The following DGKD variants were observed in gnomAD, a reference collection of about 807,000 sequenced individuals.
DGKD encodes the protein DAG kinase delta.
DGKD carries 68 observed loss-of-function variants against 154.4 expected under a neutral mutation model. The observed-to-expected ratio is 0.44, with a 90% CI of 0.36 to 0.54. The LOEUF (loss-of-function observed/expected upper bound fraction) is 0.54. Among genes scored for constraint, DGKD ranks in the 20% least tolerant of loss-of-function variants. The pLI, the probability that DGKD is intolerant of heterozygous loss-of-function variation, is 0.00. For synonymous variants in DGKD, 693 were observed against 638.0 expected (o/e 1.09, Z -1.30); for missense variants, 1,343 against 1,593.6 (o/e 0.84, Z 2.68).
At position 233,457,966 on chromosome 2, in the gene DGKD, C is replaced by T. The variant is rs2063512535; in HGVS notation, c.2581-318C>T. 2 of 385,396 alleles carry T rather than the reference C, an allele frequency of 5.2e-6. No homozygotes were observed. Among genetic ancestry groups the T allele is most frequent in the Non-Finnish European group, 9.7e-6 (2 of 205,808 alleles). The allele number at this position is 385,396 out of a possible 1,614,324, so 23.9% of individuals were successfully genotyped here. ...CCTGCACACGTGGTGTGTGCTGGCC[C>T]CAGTCCTGGCACTCTGCAGCGTTAA... On this transcript the variant is annotated intron_variant, in intron 21 of 29. Coordinates refer to ENST00000264057, the MANE Select transcript of DGKD (RefSeq NM_152879.3). This position sits in a 1 kb window ranked among gnomAD's most constrained non-coding sequence, Gnocchi z 5.5.
At position 233,394,690 on chromosome 2, in the gene DGKD, C is replaced by CTTTTTTTTTTTTT. The variant is rs1703879704; in HGVS notation, c.348+4207_348+4208insTTTTTTTTTTTTT. Among the ~76,000 whole-genome samples, 3 of 83,258 alleles carry CTTTTTTTTTTTTT rather than the reference C, an allele frequency of 3.6e-5. 1 individual carries two copies. The highest frequency in any genetic ancestry group is 8.8e-5 in the African/African-American group (2 of 22,698). The allele number at this position is 83,258 out of a possible 152,430, so 54.6% of individuals were successfully genotyped here. ...TTCCTTATTATTTTGAATTTAATTC[C>CTTTTTTTTTTTTT]CTTTTTTTTTTTTTTTTTTTTTTTT... On this transcript the variant is annotated intron_variant, in intron 3 of 29. Coordinates refer to ENST00000264057, the MANE Select transcript of DGKD (RefSeq NM_152879.3).
chr2:233,466,715 TCAAAGCCCAG>T (rs2124966045), intron 27 of DGKD, among the ~76,000 whole-genome samples: 1 of 152,326 alleles, frequency 6.6e-6, no homozygotes, highest in East Asian at 1.9e-4. Context: ...ATACTAAGAA[TCAAAGCCCAG>T]CAATCCAACA....
At chr2:233,437,349 C>T (rs566580453) in intron 7 of DGKD, 28 bp from the exon 8 acceptor site, 3 of 1,604,636 alleles carry the variant, frequency 1.9e-6, no homozygotes, top group Non-Finnish European at 2.6e-6. Flanking sequence ...GCCAGTGACC[C>T]TTGGTGACGC....
chr2:233,393,604 CT>C (rs1703790284), intron 3 of DGKD, among the ~76,000 whole-genome samples: 3 of 151,380 alleles, frequency 2.0e-5, no homozygotes, highest in Admixed American at 6.6e-5. Context: ...TTCCAAAGTG[CT>C]GGGATTACAG....
chr2:233,395,605 C>T (rs1703964193), intron 3 of DGKD, among the ~76,000 whole-genome samples: 1 of 145,124 alleles, frequency 6.9e-6, no homozygotes, highest in Non-Finnish European at 1.5e-5. Flanking sequence ...CCCCTCCTCT[C>T]CTTTCCCCTC....
Position 233,354,584 on chromosome 2 carries a change from G to C in DGKD, c.66G>C (p.Glu22Asp). Reference sequence around the variant, plus strand: ...AACCGCCTCCGCCGCCGCCGCCCGAGGAGTCGTCCGACAGCGAGCCCGAGG... The same window carrying C: ...AACCGCCTCCGCCGCCGCCGCCCGACGAGTCGTCCGACAGCGAGCCCGAGG... The part of the protein sequence containing the change: ...PPQPPPPPPP[E>D]ESSDSEPEAE... Residue 22 changes from glutamate (E) to aspartate (D), a missense_variant, in exon 1 of 30, where the codon GAG becomes GAC. Around this residue, in one of 6 missense-constraint regions of DGKD, gnomAD observed 57 missense variants for 27.8 expected, o/e 2.05. Coordinates refer to ENST00000264057, the MANE Select transcript of DGKD (RefSeq NM_152879.3). This position sits in a 1 kb window ranked among gnomAD's most constrained non-coding sequence, Gnocchi z 4.8. The C allele has an allele frequency of 9.1e-7, 1 of 1,102,936 alleles. No individual in the cohort carries two copies. 68.3% of individuals were successfully genotyped at this position (1,102,936 alleles called of 1,614,324 possible). A position where few individuals can be genotyped will look rare whatever the true frequency, so the allele number is the denominator to read the frequency against.
At chr2:233,463,515 G>GTCCTCACTGCACGCATC (rs1553542707) in intron 26 of DGKD, among the ~76,000 whole-genome samples, 2 of 19,756 alleles carry the variant, frequency 1.0e-4, no homozygotes, top group Non-Finnish European at 1.9e-4. Context: ...CTGCACGCAT[G>GTCCTCACTGCACGCATC]TCCTCACTCC....
intron 28 of DGKD, 81 bp from the exon 29 acceptor site, chr2:233,468,334 TGGGCTCTC>T (rs2063894554): frequency 2.6e-6 from 4 of 1,529,722 alleles, no homozygotes; most frequent in Admixed American, 1.8e-5. Flanking sequence ...GTCCTGGCAC[TGGGCTCTC>T]GGGTGCTGGG....
chr2:233,446,828 G>T (rs372957264), intron 12 of DGKD, 32 bp downstream of exon 12: 1 of 1,610,430 alleles, frequency 6.2e-7, no homozygotes, highest in South Asian at 1.1e-5. Context: ...CACCCTGCTC[G>T]CATGCTGATG....
chr2:233,365,960 T>C (rs1435428436), intron 1 of DGKD, among the ~76,000 whole-genome samples: 1 of 152,134 alleles, frequency 6.6e-6, no homozygotes, highest in Non-Finnish European at 1.5e-5. Context: ...TAGCAACACA[T>C]TAAACTCAAA....
intron 10 of DGKD, among the ~76,000 whole-genome samples, chr2:233,444,358 T>TC (rs2062995312): frequency 6.6e-6 from 1 of 151,972 alleles, no homozygotes; most frequent in Non-Finnish European, 1.5e-5. Context: ...AGGCGACCTT[T>TC]CCCGGGGCAT....
chr2:233,414,548 C>T (rs1418028463), intron 3 of DGKD, among the ~76,000 whole-genome samples: 1 of 152,212 alleles, frequency 6.6e-6, no homozygotes, highest in Non-Finnish European at 1.5e-5. Context: ...ACTTGGCCAA[C>T]TGTCTTGTGG....
At chr2:233,418,876 G>A (rs928860235) in intron 3 of DGKD, among the ~76,000 whole-genome samples, 1 of 152,228 alleles carries the variant, frequency 6.6e-6, no homozygotes, top group Non-Finnish European at 1.5e-5. Context: ...AGTGCTGTGC[G>A]GAGCTCACCC....
rs1316620800 is a variant in DGKD at position 233,354,617 on chromosome 2, C to T, written c.99C>T (p.Pro33=). 1 of 1,128,360 alleles carries T rather than the reference C, an allele frequency of 8.9e-7. No homozygotes were observed. Among genetic ancestry groups the T allele is most frequent in the Admixed American group, 3.2e-5 (1 of 30,970 alleles). 69.9% of individuals were successfully genotyped at this position (1,128,360 alleles called of 1,614,324 possible). The stretch of plus-strand genomic sequence containing the variant: ...CCGACAGCGAGCCCGAGGCGGAGCC[C>T]GGCTCCCCACAGAAGCTCATCCGCA... ...ESSDSEPEAE[P]GSPQKLIRKV... is the part of the protein sequence containing the mutation. The change falls in exon 1 of 30, where the codon CCC becomes CCT. Residue 33 remains proline (P), a synonymous_variant. Transcript: ENST00000264057. This position sits in a 1 kb window ranked among gnomAD's most constrained non-coding sequence, Gnocchi z 4.8.
At chr2:233,465,533 C>CAT (rs1182124641) in intron 27 of DGKD, among the ~76,000 whole-genome samples, 2 of 152,152 alleles carry the variant, frequency 1.3e-5, no homozygotes, top group Non-Finnish European at 2.9e-5. Flanking sequence ...GGGAGGATCA[C>CAT]GTTAGCCGAG....
chr2:233,424,242 G>T (rs893583291), intron 3 of DGKD, among the ~76,000 whole-genome samples: 1 of 152,194 alleles, frequency 6.6e-6, no homozygotes, highest in African/African-American at 2.4e-5. Flanking sequence ...CATTTAAAGT[G>T]TCATTTATGA....
intron 5 of DGKD, 30 bp from the exon 6 acceptor site, chr2:233,435,788 T>C: frequency 6.2e-7 from 1 of 1,601,584 alleles, no homozygotes; most frequent in Non-Finnish European, 8.5e-7. Flanking sequence ...CAGACACAGC[T>C]TGTAGGCTCA....
At chr2:233,381,123 A>AGCGGGATTCTGCAGT (rs1428164336) in intron 1 of DGKD, among the ~76,000 whole-genome samples, 1 of 152,180 alleles carries the variant, frequency 6.6e-6, no homozygotes, top group Non-Finnish European at 1.5e-5. Context: ...TGCAGAGCTG[A>AGCGGGATTCTGCAGT]GCGGGATTCT....
intron 3 of DGKD, among the ~76,000 whole-genome samples, chr2:233,391,418 C>A (rs187240921): frequency 6.6e-6 from 1 of 151,944 alleles, no homozygotes; most frequent in Admixed American, 6.6e-5. Context: ...TTTTCCCCCC[C>A]CAGGACAATT....
Sources: gnomAD v4.1 joint callset for allele counts (sites outside exome capture counted in the v4.1 genomes callset) on GRCh38, gnomAD v4.1.1 for gene constraint, gnomAD v4.1.1 regional missense constraint, Gnocchi (gnomAD v3.1) non-coding constraint, MANE v1.5 for transcripts, NCBI Gene and HGNC (gene_info 2026-07-23, HGNC 2026-07-21) for gene names.